The following ARL10 variants were observed in gnomAD, a reference collection of about 807,000 sequenced individuals.
ARL10 encodes ADP-ribosylation factor-like protein 10.
ARL10 carries 23 observed loss-of-function variants against 26.1 expected under a neutral mutation model. That is an observed-to-expected ratio of 0.88 (90% CI 0.63 to 1.25). The LOEUF is 1.25. ARL10 is among the 50% of genes most tolerant of loss of function. ARL10 has a pLI of 0.00. For missense variants in ARL10, 300 were observed against 323.6 expected, an observed-to-expected ratio of 0.93 and a Z score of 0.56; for synonymous variants, 138 against 149.1, an observed-to-expected ratio of 0.93 and a Z score of 0.54.
intron 1 of ARL10, chr5:176,388,235 C>T (rs1192859725): frequency 6.2e-7 from 1 of 1,608,060 alleles, no homozygotes; most frequent in Non-Finnish European, 8.5e-7. Context: ...ATGTCAGTAC[C>T]TTTCTCTTAC....
rs974439276 is a variant in ARL10, at chr5:176,393,891, A to G, written c.134-7850A>G. Reference sequence around the variant, plus strand: ...AGCTGGGTCTATGTCCTGTTTGGCCAGCGAGGGTCGCTCACAAGTCCCTGG... The same window carrying G: ...AGCTGGGTCTATGTCCTGTTTGGCCGGCGAGGGTCGCTCACAAGTCCCTGG... On this transcript the variant is annotated intron_variant, in intron 1 of 1. Transcript: ENST00000514533. This position sits in a 1 kb window ranked among gnomAD's most constrained non-coding sequence, Gnocchi z 4.4. Among the ~76,000 whole-genome samples, 6 of 152,314 alleles carry G rather than the reference A, an allele frequency of 3.9e-5. No homozygotes were observed. Among genetic ancestry groups the G allele is most frequent in the Non-Finnish European group, 8.8e-5 (6 of 68,026 alleles).
chr5:176,393,846 A>C lies in ARL10; in HGVS notation c.134-7895A>C, dbSNP rs1561790039. ...GGGACTCACTAACAGAAAGACAATAAGGGATTCTTAGGTGAGGAGAGCTGG... is the reference window on the plus strand; with the variant it reads ...GGGACTCACTAACAGAAAGACAATACGGGATTCTTAGGTGAGGAGAGCTGG... On this transcript the variant is annotated intron_variant, in intron 1 of 1. Transcript: ENST00000514533. The surrounding 1 kb of genome is among the most constrained non-coding windows in gnomAD (Gnocchi z 4.4). Among the ~76,000 whole-genome samples, 1 of 152,204 alleles carries C rather than the reference A, an allele frequency of 6.6e-6. No homozygotes were observed. Among genetic ancestry groups the C allele is most frequent in the Non-Finnish European group, 1.5e-5 (1 of 68,038 alleles).
the ARL10 span, among the ~76,000 whole-genome samples, chr5:176,411,690 T>C: frequency 2.6e-5 from 4 of 152,128 alleles, no homozygotes; most frequent in East Asian, 1.9e-4. Flanking sequence ...CCCTGGAACA[T>C]AACAAGGACT....
chr5:176,377,102 T>A lies in ARL10; in HGVS notation c.*5207T>A, dbSNP rs1259660916. The stretch of plus-strand genomic sequence containing the variant: ...CACAGGCTTTCTAGTAACTATTTCA[T>A]AGGGGTCAATCTGTGTCTGTCGTAG... On this transcript the variant is annotated 3_prime_UTR_variant, in exon 4 of 4. Coordinates refer to ENST00000310389, the MANE Select transcript of ARL10 (RefSeq NM_173664.6). This position sits in a 1 kb window ranked among gnomAD's most constrained non-coding sequence, Gnocchi z 4.5. The A allele has an allele frequency of 6.6e-6, 1 of 152,212 alleles. No homozygotes were observed. The highest frequency in any genetic ancestry group is 2.4e-5 in the African/African-American group (1 of 41,456). 9.4% of individuals were successfully genotyped at this position (152,212 alleles called of 1,614,324 possible).
downstream of ARL10, chr5:176,384,321 C>T: frequency 6.2e-7 from 1 of 1,614,232 alleles, no homozygotes; most frequent in Non-Finnish European, 8.5e-7. Context: ...TGATCTTACT[C>T]CGAATCTGTT....
At chr5:176,389,567 C>G (rs1255049449), downstream of ARL10, 7 of 1,487,942 alleles carry the variant, frequency 4.7e-6, no homozygotes, top group Non-Finnish European at 6.4e-6. Context: ...CTGGCCCTAC[C>G]GTGGGACTTA....
At chr5:176,383,643 C>T (rs1755609530), downstream of ARL10, among the ~76,000 whole-genome samples, 1 of 152,270 alleles carries the variant, frequency 6.6e-6, no homozygotes, top group Admixed American at 6.5e-5. Context: ...AGTCAAGCCA[C>T]AGCTGGCCTC....
chr5:176,396,442 C>G, intron 1 of ARL10: 2 of 1,574,866 alleles, frequency 1.3e-6, no homozygotes, highest in Non-Finnish European at 1.7e-6. Flanking sequence ...CATTCCCTCT[C>G]TAGCTCCCCC....
chr5:176,411,223 T>TCACAGGCCCCCTTGACTCCAGC, the ARL10 span, among the ~76,000 whole-genome samples: 1 of 152,224 alleles, frequency 6.6e-6, no homozygotes, highest in African/African-American at 2.4e-5. Flanking sequence ...TTTTGCCCAT[T>TCACAGGCCCCCTTGACTCCAGC]CACAGGCCCC....
chr5:176,398,053 AC>A, intron 1 of ARL10: 1 of 1,612,876 alleles, frequency 6.2e-7, no homozygotes, highest in Non-Finnish European at 8.5e-7. Flanking sequence ...GCCTCCTAGA[AC>A]ACAAACACGC....
rs1768583241 is a variant in ARL10, at chr5:176,372,715, C to T, written c.*820C>T. The stretch of plus-strand genomic sequence containing the variant: ...CTAACTGTGCCAGTGCCCATGTTTA[C>T]AGAAGTCAGGGGAAGGAAGGAGCCT... On this transcript the variant is annotated 3_prime_UTR_variant, in exon 4 of 4. Transcript: ENST00000310389. The T allele has an allele frequency of 2.5e-6, 1 of 394,344 alleles. No homozygotes were observed. The highest frequency in any genetic ancestry group is 4.5e-6 in the Non-Finnish European group (1 of 223,844). The allele number at this position is 394,344 out of a possible 1,614,324, so 24.4% of individuals were successfully genotyped here.
intron 1 of ARL10, chr5:176,387,062 TTTTC>T (rs1035302299): frequency 1.9e-5 from 11 of 581,396 alleles, no homozygotes; most frequent in South Asian, 1.2e-4. Flanking sequence ...CCTGGAGGCT[TTTTC>T]TCTCTCTCTC....
downstream of ARL10, among the ~76,000 whole-genome samples, chr5:176,391,313 G>A (rs1278357543): frequency 6.6e-6 from 1 of 152,174 alleles, no homozygotes; most frequent in Non-Finnish European, 1.5e-5. Context: ...TCCTTCTAGT[G>A]CCTTAGAATT....
downstream of ARL10, chr5:176,389,677 G>GT: frequency 1.7e-6 from 1 of 573,966 alleles, no homozygotes. Flanking sequence ...AGATGCTGTT[G>GT]TTTGAATGTT....
At chr5:176,388,404 A>C in exon 2 of ARL10, 1 of 1,612,380 alleles carries the variant, frequency 6.2e-7, no homozygotes, top group Non-Finnish European at 8.5e-7. Context: ...GCCGAGGCCC[A>C]CGGCCACCCG....
rs946071988 is a variant in ARL10, at chr5:176,371,749, G to T, written c.589G>T (p.Glu197Ter). The T allele has an allele frequency of 1.2e-6, 2 of 1,614,110 alleles. No individual in the cohort carries two copies. Among genetic ancestry groups the T allele is most frequent in the East Asian group, 2.2e-5 (1 of 44,888 alleles). Residue 197 changes from glutamate to a stop codon, truncating the protein, a stop_gained, in exon 4 of 4, where the codon GAG becomes TAG. Coordinates refer to ENST00000310389, the MANE Select transcript of ARL10 (RefSeq NM_173664.6). LOFTEE classifies it high-confidence loss of function. The stretch of plus-strand genomic sequence containing the variant: ...CCTGAGCGAGGCCATGAGTATGGGG[G>T]AGCTGCAGCGGGAGCTGGGTCTACA... ...QDLSEAMSMG[E>*]LQRELGLQAI...
the ARL10 span, among the ~76,000 whole-genome samples, chr5:176,414,139 A>G: frequency 6.6e-6 from 1 of 152,120 alleles, no homozygotes; most frequent in Non-Finnish European, 1.5e-5. Flanking sequence ...TCCCCTCAGC[A>G]GGACCTCCCC....
the ARL10 span, among the ~76,000 whole-genome samples, chr5:176,409,428 T>C: frequency 6.8e-6 from 1 of 146,730 alleles, no homozygotes; most frequent in Admixed American, 6.8e-5. Context: ...TTTTTTTTTT[T>C]TTCAGACAGA....
chr5:176,369,991 G>A (rs1375209286), intron 3 of ARL10, among the ~76,000 whole-genome samples: 1 of 151,068 alleles, frequency 6.6e-6, no homozygotes, highest in East Asian at 1.9e-4. Context: ...GAATTGGGAC[G>A]TGTAATGCTA....
Sources: allele counts gnomAD v4.1 joint callset (sites outside exome capture counted in the v4.1 genomes callset), GRCh38; gene constraint gnomAD v4.1.1; non-coding constraint Gnocchi (gnomAD v3.1); transcripts MANE v1.5; gene names NCBI Gene and HGNC (gene_info 2026-07-23, HGNC 2026-07-21).